Variants in CNTN4 observed in about 807,000 individuals in gnomAD.
CNTN4 encodes the protein contactin-4.
CNTN4 carries 77 observed loss-of-function variants against 122.5 expected under a neutral mutation model. That is an observed-to-expected ratio of 0.63 (90% confidence interval 0.52 to 0.76). The LOEUF (loss-of-function observed/expected upper bound fraction) is 0.76, where lower values mean the gene tolerates loss of function less well. Among genes scored for constraint, CNTN4 ranks in the 30% least tolerant of loss-of-function variants. The pLI is 0.00. For synonymous variants in CNTN4, 512 were observed against 447.0 expected (o/e 1.15, Z -1.83); for missense variants, 1,256 against 1,259.1 (o/e 1.00, Z 0.04).
At chr3:2,555,226 A>C (rs1187880913) in intron 3 of CNTN4, among the ~76,000 whole-genome samples, 1 of 152,180 alleles carries the variant, frequency 6.6e-6, no homozygotes, top group African/African-American at 2.4e-5. Context: ...AACCAGGAAA[A>C]ATACTAACCT....
intron 2 of CNTN4, among the ~76,000 whole-genome samples, chr3:2,125,310 G>A (rs1480899450): frequency 7.2e-6 from 1 of 139,246 alleles, no homozygotes; most frequent in Admixed American, 7.6e-5. Flanking sequence ...CTTTTTCAAG[G>A]CTGAGTAACA....
At chr3:2,424,636 G>A (rs992904264) in intron 3 of CNTN4, among the ~76,000 whole-genome samples, 1 of 152,168 alleles carries the variant, frequency 6.6e-6, no homozygotes, top group East Asian at 1.9e-4. Flanking sequence ...TTGAGGAATG[G>A]CCACACTGTC....
At chr3:2,968,361 T>G (rs1472263214) in intron 13 of CNTN4, among the ~76,000 whole-genome samples, 1 of 152,124 alleles carries the variant, frequency 6.6e-6, no homozygotes, top group Non-Finnish European at 1.5e-5. Flanking sequence ...CCAACCTAAA[T>G]GTATATAGGG....
intron 13 of CNTN4, among the ~76,000 whole-genome samples, chr3:2,951,055 T>A (rs1248127249): frequency 1.3e-5 from 2 of 152,234 alleles, no homozygotes; most frequent in African/African-American, 4.8e-5. Flanking sequence ...ATGGTGATAA[T>A]AATGGTAACC....
At position 2,525,729 on chromosome 3, in the gene CNTN4, T is replaced by C. The variant is rs142323188; in HGVS notation, c.-88-45687T>C. Among the ~76,000 whole-genome samples, 668 of 152,296 alleles carry C rather than the reference T, an allele frequency of 4.4e-3. 5 individuals carry two copies. The highest frequency in any genetic ancestry group is 0.015 in the African/African-American group (643 of 41,580). On this transcript the variant is annotated intron_variant, in intron 3 of 24. Transcript: ENST00000418658. ...ATCTGGAACACAATCAGTATCAAAT[T>C]CTGGCTTTCTAAGAATATTGAAAAT...
At chr3:2,772,050 GGA>G (rs958426178) in intron 6 of CNTN4, among the ~76,000 whole-genome samples, 6 of 151,986 alleles carry the variant, frequency 3.9e-5, no homozygotes, top group East Asian at 1.9e-4. Context: ...GGCTACAAGG[GGA>G]GAGAGAGAGA....
In CNTN4 at chr3:2,220,968, C is replaced by T. The variant is rs187758709; in HGVS notation, c.-144-118210C>T. On this transcript the variant is annotated intron_variant, in intron 2 of 24. Coordinates refer to ENST00000418658, the MANE Select transcript of CNTN4 (RefSeq NM_175607.3). ...TTTATGAAAGGACAATCTTGATGCA[C>T]ATTAATACTTCATCTCAAGCCAGAA... is the stretch of plus-strand genomic sequence containing the variant. Among the ~76,000 whole-genome samples the T allele has an allele frequency of 3.0e-3, 457 of 152,182 alleles. 3 individuals are homozygous for T. Among genetic ancestry groups the T allele is most frequent in the African/African-American group, 0.011 (439 of 41,544 alleles).
At chr3:2,193,125 A>G (rs1412873694) in intron 2 of CNTN4, among the ~76,000 whole-genome samples, 2 of 152,300 alleles carry the variant, frequency 1.3e-5, no homozygotes, top group African/African-American at 2.4e-5. Flanking sequence ...TTCTCCTGCA[A>G]CACAAGTTTG....
chr3:2,540,957 A>G (rs868829916), intron 3 of CNTN4, among the ~76,000 whole-genome samples: 4 of 152,114 alleles, frequency 2.6e-5, no homozygotes, highest in Non-Finnish European at 5.9e-5. Context: ...ATATTGAAAA[A>G]CATATTAGGA....
chr3:2,431,666 A>G (rs1314976800), intron 3 of CNTN4, among the ~76,000 whole-genome samples: 2 of 152,186 alleles, frequency 1.3e-5, no homozygotes, highest in Non-Finnish European at 2.9e-5. Context: ...CACAGTAGAG[A>G]GCAAAGAAAC....
At chr3:2,725,100 C>G (rs558741423) in intron 4 of CNTN4, among the ~76,000 whole-genome samples, 1 of 152,176 alleles carries the variant, frequency 6.6e-6, no homozygotes, top group Non-Finnish European at 1.5e-5. Context: ...ATGGGAGACA[C>G]TGTTCATTCA....
chr3:2,360,138 T>G (rs1203587149), intron 3 of CNTN4, among the ~76,000 whole-genome samples: 1 of 152,168 alleles, frequency 6.6e-6, no homozygotes, highest in Admixed American at 6.5e-5. Context: ...TTTTGAAGCA[T>G]GAAGTAAATG....
chr3:2,374,807 T>C (rs1559497570), intron 3 of CNTN4, among the ~76,000 whole-genome samples: 1 of 152,204 alleles, frequency 6.6e-6, no homozygotes, highest in Non-Finnish European at 1.5e-5. Context: ...TTTCATTTAA[T>C]GATGAAATGA....
At chr3:2,746,649 C>T (rs2149564571) in intron 6 of CNTN4, among the ~76,000 whole-genome samples, 1 of 152,340 alleles carries the variant, frequency 6.6e-6, no homozygotes, top group Middle Eastern at 3.4e-3. Flanking sequence ...AGAATATTCT[C>T]ATTAACAAAA....
At chr3:2,950,923 G>A (rs1041479082) in intron 13 of CNTN4, among the ~76,000 whole-genome samples, 1 of 152,094 alleles carries the variant, frequency 6.6e-6, no homozygotes, top group Non-Finnish European at 1.5e-5. Flanking sequence ...CATATCTTAT[G>A]CACTTAGCAT....
At chr3:2,951,625 C>T (rs1559710524) in intron 13 of CNTN4, among the ~76,000 whole-genome samples, 1 of 152,176 alleles carries the variant, frequency 6.6e-6, no homozygotes, top group Non-Finnish European at 1.5e-5. Context: ...TTCTCCATGA[C>T]TCCAAGAAGT....
At chr3:2,522,161 G>A (rs2077243974) in intron 3 of CNTN4, among the ~76,000 whole-genome samples, 1 of 150,744 alleles carries the variant, frequency 6.6e-6, no homozygotes, top group South Asian at 2.1e-4. Context: ...GTGTGTGTGT[G>A]TGTGTGTGTG....
intron 2 of CNTN4, among the ~76,000 whole-genome samples, chr3:2,107,877 C>G (rs2032585178): frequency 1.3e-5 from 2 of 152,140 alleles, no homozygotes; most frequent in African/African-American, 4.8e-5. Context: ...GACTTCCAGT[C>G]AAGAACCATT....
At chr3:2,467,719 A>G (rs2075553731) in intron 3 of CNTN4, among the ~76,000 whole-genome samples, 1 of 152,220 alleles carries the variant, frequency 6.6e-6, no homozygotes, top group Non-Finnish European at 1.5e-5. Context: ...TCTCTTAGAT[A>G]TAGGTGTAAA....
Sources: allele counts gnomAD v4.1 joint callset (sites outside exome capture counted in the v4.1 genomes callset), GRCh38; gene constraint gnomAD v4.1.1; transcripts MANE v1.5; gene names NCBI Gene and HGNC (gene_info 2026-07-23, HGNC 2026-07-21).